Variants in DPP9 observed in about 807,000 individuals in gnomAD.
The protein encoded by DPP9 is dipeptidyl peptidase 9, also known as dipeptidyl peptidase IV-related protein-2.
In DPP9, 50 loss-of-function variants were observed where a neutral mutation model predicts 110.7. That is an observed-to-expected ratio of 0.45 (90% CI 0.36 to 0.57). DPP9 has a LOEUF of 0.57. DPP9 is among the 20% of genes least tolerant of loss of function. The pLI is 0.00. For synonymous variants in DPP9, 561 were observed against 514.4 expected (o/e 1.09, Z -1.23); for missense variants, 1,022 against 1,217.9 (o/e 0.84, Z 2.39).
chr19:4,695,349 G>C lies in DPP9; in HGVS notation c.1353+29C>G, dbSNP rs2091706120. The C allele has an allele frequency of 2.0e-6, 3 of 1,533,296 alleles. No individual in the cohort carries two copies. The East Asian group carries it at 7.4e-5, about 38-fold the overall frequency. The allele number at this position is 1,533,296 out of a possible 1,614,324, so 95.0% of individuals were successfully genotyped here. Reference sequence around the variant, plus strand: ...ACAGTGTGACTCCAGGGCCCAGGCGGGCATACAGCCAGCGCTTGCCCCGCT... The same window carrying C: ...ACAGTGTGACTCCAGGGCCCAGGCGCGCATACAGCCAGCGCTTGCCCCGCT... On this transcript the variant is annotated intron_variant, in intron 12 of 21. Transcript: ENST00000262960. The surrounding 1 kb of genome is among the most constrained non-coding windows in gnomAD (Gnocchi z 4.7).
chr19:4,713,660 C>T (rs369680230), intron 4 of DPP9, among the ~76,000 whole-genome samples: 6 of 152,220 alleles, frequency 3.9e-5, no homozygotes, highest in Non-Finnish European at 5.9e-5. Context: ...GAGTTACTCC[C>T]GACTCCCTCT....
chr19:4,688,748 G>A lies in DPP9; in HGVS notation c.1885+9C>T. 3 of 1,434,970 alleles carry A rather than the reference G, an allele frequency of 2.1e-6. No individual in the cohort carries two copies. The highest frequency in any genetic ancestry group is 2.7e-6 in the Non-Finnish European group (3 of 1,099,714). 88.9% of individuals were successfully genotyped at this position (1,434,970 alleles called of 1,614,324 possible). A position where few individuals can be genotyped will look rare whatever the true frequency, so the allele number is the denominator to read the frequency against. The stretch of plus-strand genomic sequence containing the variant: ...GAGGCCTCCGTGGGGCGGGGCAGGG[G>A]CTACTCACTGGCTGCCTCCATCATG... On this transcript the variant is annotated intron_variant, in intron 16 of 21. Coordinates refer to ENST00000262960, the MANE Select transcript of DPP9 (RefSeq NM_139159.5).
intron 13 of DPP9, among the ~76,000 whole-genome samples, chr19:4,692,581 G>A (rs2091423705): frequency 6.6e-6 from 1 of 152,144 alleles, no homozygotes; most frequent in African/African-American, 2.4e-5. Context: ...GGCTGAGCAG[G>A]GTGCTGGGAA....
intron 11 of DPP9, among the ~76,000 whole-genome samples, chr19:4,696,018 A>G (rs1209253604): frequency 6.6e-6 from 1 of 152,100 alleles, no homozygotes; most frequent in Non-Finnish European, 1.5e-5. Context: ...CTCCTGCCTC[A>G]GCCTCCTGAG....
At chr19:4,705,792 C>A (rs547427398) in intron 5 of DPP9, 66 bp downstream of exon 5, 10 of 1,488,646 alleles carry the variant, frequency 6.7e-6, no homozygotes, top group Non-Finnish European at 9.3e-6. Context: ...GCATGTATGG[C>A]CTGTGGGGCT....
At chr19:4,705,581 A>G (rs1328982082) in intron 5 of DPP9, among the ~76,000 whole-genome samples, 1 of 152,248 alleles carries the variant, frequency 6.6e-6, no homozygotes. Context: ...ATGATTAACC[A>G]GTCTCTCTAA....
In DPP9 at chr19:4,684,842, G is replaced by C. The variant is rs753917649; in HGVS notation, c.2032-33C>G. 8 of 1,573,782 alleles carry C rather than the reference G, an allele frequency of 5.1e-6. No homozygotes were observed. The highest frequency in any genetic ancestry group is 1.7e-4 in the Middle Eastern group (1 of 6,034). On this transcript the variant is annotated intron_variant, in intron 17 of 21. Coordinates refer to ENST00000262960, the MANE Select transcript of DPP9 (RefSeq NM_139159.5). The surrounding 1 kb of genome is among the most constrained non-coding windows in gnomAD (Gnocchi z 4.8). ...GAGGTGAGGGCCAGCAGTCCAGCACGAGATGCCGGGCAGGACGGGCCTGGC... is the reference window on the plus strand; with the variant it reads ...GAGGTGAGGGCCAGCAGTCCAGCACCAGATGCCGGGCAGGACGGGCCTGGC...
rs1385948182 is a variant in DPP9, at chr19:4,702,076, A to C, written c.963T>G (p.Ser321=). 4 of 1,613,852 alleles carry C rather than the reference A, an allele frequency of 2.5e-6. No individual in the cohort carries two copies. In the African/African-American group the frequency reaches 5.3e-5, roughly 22 times the overall value. The change falls in exon 9 of 22, where the codon TCT becomes TCG. Residue 321 remains serine, a synonymous_variant. Transcript: ENST00000262960. ...ESEVEVIHVP[S]PALEERKTDS... ...CCGTCTTCCTTTCTTCTAGCGCAGG[A>C]GAGGGGACGTGAATGACCTCCACCT...
rs779894461 is a variant in DPP9, at chr19:4,683,054, G to A, written c.2332-216C>T. ...CAGGGCGCCACAGGCGGGCAGGTGCGGCCCCTCCCCGCCGCCGCAGAGGGC... is the reference window on the plus strand; with the variant it reads ...CAGGGCGCCACAGGCGGGCAGGTGCAGCCCCTCCCCGCCGCCGCAGAGGGC... On this transcript the variant is annotated intron_variant, in intron 19 of 21. Coordinates refer to ENST00000262960, the MANE Select transcript of DPP9 (RefSeq NM_139159.5). The A allele has an allele frequency of 1.0e-4, 154 of 1,504,252 alleles. 1 individual carries two copies. The East Asian group carries it at 3.3e-3, about 32-fold the overall frequency. 93.2% of individuals were successfully genotyped at this position (1,504,252 alleles called of 1,614,324 possible). A position where few individuals can be genotyped will look rare whatever the true frequency, so the allele number is the denominator to read the frequency against.
In DPP9 at chr19:4,704,742, CG is replaced by C. The variant is rs1568323996; in HGVS notation, c.427-439del. ...CCTTCCCATCAAGAGCTTTCAATTT[CG>C]TAATCCCAGCACTTTGGGAGGCCGA... is the stretch of plus-strand genomic sequence containing the variant. On this transcript the variant is annotated intron_variant, in intron 5 of 21. Transcript: ENST00000262960. This position sits in a 1 kb window ranked among gnomAD's most constrained non-coding sequence, Gnocchi z 6.0. 6.6e-6 allele frequency among the ~76,000 whole-genome samples: 1 copy of C among 152,154 alleles called. No individual in the cohort carries two copies. Among genetic ancestry groups the C allele is most frequent in the African/African-American group, 2.4e-5 (1 of 41,430 alleles).
In DPP9 at chr19:4,698,854, C is replaced by A. The variant is rs556174799; in HGVS notation, c.1075-1203G>T. On this transcript the variant is annotated intron_variant, in intron 10 of 21. Coordinates refer to ENST00000262960, the MANE Select transcript of DPP9 (RefSeq NM_139159.5). The surrounding 1 kb of genome is among the most constrained non-coding windows in gnomAD (Gnocchi z 4.2). ...TGATCACCTAAAATCTGCCAGAATG[C>A]TACTGTCAAGAATGCAAAAGAAGGC... Among the ~76,000 whole-genome samples the A allele has an allele frequency of 2.0e-5, 3 of 152,130 alleles. No individual in the cohort carries two copies. Among genetic ancestry groups the A allele is most frequent in the African/African-American group, 7.2e-5 (3 of 41,476 alleles).
intron 10 of DPP9, among the ~76,000 whole-genome samples, chr19:4,699,906 T>C (rs2092114887): frequency 1.3e-5 from 2 of 152,178 alleles, no homozygotes; most frequent in Non-Finnish European, 2.9e-5. Flanking sequence ...ACTCCCGAGG[T>C]GGCCTGGGAG....
rs988388425 is a variant in DPP9 at position 4,704,663 on chromosome 19, G to C, written c.427-359C>G. On this transcript the variant is annotated intron_variant, in intron 5 of 21. Transcript: ENST00000262960. This position sits in a 1 kb window ranked among gnomAD's most constrained non-coding sequence, Gnocchi z 6.0. ...CCCACACCACCGGAGTACTCTCTCCGGGTCCCTAGTGCCATTCTTACAGAC... is the reference window on the plus strand; with the variant it reads ...CCCACACCACCGGAGTACTCTCTCCCGGTCCCTAGTGCCATTCTTACAGAC... Among the ~76,000 whole-genome samples, 1 of 152,160 alleles carries C rather than the reference G, an allele frequency of 6.6e-6. No individual in the cohort carries two copies. The highest frequency in any genetic ancestry group is 1.5e-5 in the Non-Finnish European group (1 of 68,026).
Position 4,676,684 on chromosome 19 carries a change from G to C in DPP9, c.2587-28C>G, listed in dbSNP as rs1568295293. On this transcript the variant is annotated intron_variant, in intron 21 of 21. Transcript: ENST00000262960. The surrounding 1 kb of genome is among the most constrained non-coding windows in gnomAD (Gnocchi z 4.0). Reference sequence around the variant, plus strand: ...GCGGGGAGACAGGAGGCAGGGCTGGGGGGCGTGGCCGGACCACCCCCGTGT... The same window carrying C: ...GCGGGGAGACAGGAGGCAGGGCTGGCGGGCGTGGCCGGACCACCCCCGTGT... 1.3e-6 allele frequency: 2 copies of C among 1,570,068 alleles called. No homozygotes were observed. Among genetic ancestry groups the C allele is most frequent in the Non-Finnish European group, 1.7e-6 (2 of 1,155,168 alleles).
intron 3 of DPP9, among the ~76,000 whole-genome samples, chr19:4,716,870 A>G (rs533101734): frequency 3.3e-4 from 50 of 152,294 alleles, no homozygotes; most frequent in African/African-American, 9.1e-4. Context: ...CAATTACAGC[A>G]GGAAAAGTCA....
chr19:4,702,041 C>T lies in DPP9; in HGVS notation c.998G>A (p.Arg333Gln), dbSNP rs1178936366. The change falls in exon 9 of 22, where the codon CGG becomes CAG. Residue 333 changes from arginine (R) to glutamine (Q), a missense_variant. This residue lies in a region of DPP9 where 810 missense variants were observed against 920.6 expected (regional missense o/e 0.88). Coordinates refer to ENST00000262960, the MANE Select transcript of DPP9 (RefSeq NM_139159.5). ...ALEERKTDSY[R>Q]YPRTGSKNPK... ...CGGGCACTCACCTGTCCTGGGGTAC[C>T]GATACGAGTCCGTCTTCCTTTCTTC... is the stretch of plus-strand genomic sequence containing the variant. The T allele has an allele frequency of 3.1e-6, 5 of 1,613,594 alleles. No homozygotes were observed. Among genetic ancestry groups the T allele is most frequent in the African/African-American group, 1.3e-5 (1 of 74,912 alleles).
intron 11 of DPP9, among the ~76,000 whole-genome samples, chr19:4,696,320 G>A (rs752893707): frequency 6.6e-6 from 1 of 152,116 alleles, no homozygotes; most frequent in African/African-American, 2.4e-5. Flanking sequence ...GCATCACAGG[G>A]ACATAAAATA....
Position 4,676,462 on chromosome 19 carries a change from G to T in DPP9, c.*102C>A. 9.8e-7 allele frequency: 1 copy of T among 1,018,762 alleles called. No individual in the cohort carries two copies. The highest frequency in any genetic ancestry group is 1.5e-6 in the Non-Finnish European group (1 of 669,632). The allele number at this position is 1,018,762 out of a possible 1,614,324, so 63.1% of individuals were successfully genotyped here. A position where few individuals can be genotyped will look rare whatever the true frequency, so the allele number is the denominator to read the frequency against. ...GCTGGCCAGCGCTGGGCGGGACAAA[G>T]TGCCTCACTGGGGCCCGCGGGCCAC... is the stretch of plus-strand genomic sequence containing the variant. On this transcript the variant is annotated 3_prime_UTR_variant, in exon 22 of 22. Coordinates refer to ENST00000262960, the MANE Select transcript of DPP9 (RefSeq NM_139159.5). The surrounding 1 kb of genome is among the most constrained non-coding windows in gnomAD (Gnocchi z 4.0).
intron 9 of DPP9, among the ~76,000 whole-genome samples, chr19:4,701,266 G>A (rs1184279962): frequency 6.6e-6 from 1 of 152,172 alleles, no homozygotes; most frequent in African/African-American, 2.4e-5. Context: ...CCAGGAGTTC[G>A]AAACCAGCCT....
Sources: allele counts gnomAD v4.1 joint callset (sites outside exome capture counted in the v4.1 genomes callset), GRCh38; gene constraint gnomAD v4.1.1; regional missense constraint gnomAD v4.1.1; non-coding constraint Gnocchi (gnomAD v3.1); transcripts MANE v1.5; gene names NCBI Gene and HGNC (gene_info 2026-07-23, HGNC 2026-07-21).